The following TEAD1 variants were observed in gnomAD, a reference collection of about 807,000 sequenced individuals.
TEAD1 encodes the protein transcriptional enhancer factor TEF-1.
In TEAD1, 9 loss-of-function variants were observed where a neutral mutation model predicts 54.9. That is an observed-to-expected ratio of 0.16 (90% CI 0.10 to 0.29). The LOEUF (loss-of-function observed/expected upper bound fraction) is 0.29. Among genes scored for constraint, TEAD1 ranks in the 10% least tolerant of loss-of-function variants. The pLI, the probability that TEAD1 is intolerant of heterozygous loss-of-function variation, is 1.00. For missense variants in TEAD1, 387 were observed against 535.9 expected (o/e 0.72, Z 2.74); for synonymous variants, 200 against 187.8 (o/e 1.07, Z -0.53).
At chr11:12,838,599 T>C (rs1412069041) in intron 3 of TEAD1, among the ~76,000 whole-genome samples, 1 of 152,186 alleles carries the variant, frequency 6.6e-6, no homozygotes, top group African/African-American at 2.4e-5. Flanking sequence ...AAAAGTTTAT[T>C]ATAGATTGGT....
At chr11:12,880,082 A>G (rs1947936071) in intron 6 of TEAD1, among the ~76,000 whole-genome samples, 1 of 152,156 alleles carries the variant, frequency 6.6e-6, no homozygotes, top group Non-Finnish European at 1.5e-5. Flanking sequence ...AGAAAAAAGG[A>G]AAAGGAAGAG....
At chr11:12,698,644 C>G (rs575193743) in intron 2 of TEAD1, among the ~76,000 whole-genome samples, 2 of 152,002 alleles carry the variant, frequency 1.3e-5, no homozygotes, top group African/African-American at 2.4e-5. Flanking sequence ...CCATTTGATT[C>G]TAGCCCCGTG....
At chr11:12,750,566 G>GACAC (rs1020039390) in intron 2 of TEAD1, among the ~76,000 whole-genome samples, 1 of 151,602 alleles carries the variant, frequency 6.6e-6, no homozygotes, top group African/African-American at 2.4e-5. Flanking sequence ...CAGACAGACA[G>GACAC]ACACACACAC....
At chr11:12,805,805 A>AGAATT (rs1228626168) in intron 3 of TEAD1, among the ~76,000 whole-genome samples, 1 of 152,230 alleles carries the variant, frequency 6.6e-6, no homozygotes, top group African/African-American at 2.4e-5. Context: ...TACCTTCCAA[A>AGAATT]GAATTGATCT....
At chr11:12,817,253 A>G (rs753675005) in intron 3 of TEAD1, among the ~76,000 whole-genome samples, 2 of 152,206 alleles carry the variant, frequency 1.3e-5, no homozygotes, top group Non-Finnish European at 2.9e-5. Flanking sequence ...CGTAGCTTGA[A>G]ATAATTCTTC....
chr11:12,866,912 G>A (rs1947630023), intron 5 of TEAD1, among the ~76,000 whole-genome samples: 1 of 152,204 alleles, frequency 6.6e-6, no homozygotes, highest in Non-Finnish European at 1.5e-5. Context: ...GGAGCACTTT[G>A]GGTAATAGCG....
At chr11:12,922,617 A>C (rs1254692085) in intron 10 of TEAD1, 2 of 152,158 alleles carry the variant, frequency 1.3e-5, no homozygotes, top group Admixed American at 1.3e-4. Flanking sequence ...TCAAGGTATA[A>C]AAATTAGCCA....
chr11:12,675,160 C>A (rs960091064), intron 1 of TEAD1, among the ~76,000 whole-genome samples: 2 of 150,384 alleles, frequency 1.3e-5, no homozygotes, highest in Admixed American at 6.6e-5. Flanking sequence ...CGCGCACACA[C>A]GCACACACCC....
At chr11:12,868,480 T>G (rs1056682068) in intron 5 of TEAD1, among the ~76,000 whole-genome samples, 3 of 152,090 alleles carry the variant, frequency 2.0e-5, no homozygotes, top group Admixed American at 1.3e-4. Context: ...CAGGAGAGAG[T>G]GGTCATTTGA....
chr11:12,780,845 A>G (rs1007361079), intron 3 of TEAD1, among the ~76,000 whole-genome samples: 1 of 152,208 alleles, frequency 6.6e-6, no homozygotes, highest in Non-Finnish European at 1.5e-5. Flanking sequence ...TTCTTTGACA[A>G]GTTGATTCTA....
chr11:12,719,523 A>G (rs904643207), intron 2 of TEAD1, among the ~76,000 whole-genome samples: 1 of 120,690 alleles, frequency 8.3e-6, no homozygotes, highest in South Asian at 2.7e-4. Flanking sequence ...ACTCCAGATG[A>G]CTTTCCAGCA....
chr11:12,739,422 C>G (rs956265795), intron 2 of TEAD1, among the ~76,000 whole-genome samples: 2 of 152,148 alleles, frequency 1.3e-5, no homozygotes, highest in Non-Finnish European at 2.9e-5. Context: ...CTGAAAATGT[C>G]TATTAAACAA....
At position 12,800,030 on chromosome 11, in the gene TEAD1, A is replaced by T. The variant is rs116641444; in HGVS notation, c.202+35596A>T. On this transcript the variant is annotated intron_variant, in intron 3 of 12. Coordinates refer to ENST00000527636, the MANE Select transcript of TEAD1 (RefSeq NM_021961.6). ...CTTGATATTTTTGGAGTCCAGGGGAATAAGTGCATAATGGTAATAATTAAA... is the reference window on the plus strand; with the variant it reads ...CTTGATATTTTTGGAGTCCAGGGGATTAAGTGCATAATGGTAATAATTAAA... Among the ~76,000 whole-genome samples, 1,305 of 152,294 alleles carry T rather than the reference A, an allele frequency of 8.6e-3. 22 individuals carry two copies. The highest frequency in any genetic ancestry group is 0.03 in the African/African-American group (1,236 of 41,566).
At position 12,813,952 on chromosome 11, in the gene TEAD1, A is replaced by C. The variant is rs1866708; in HGVS notation, c.203-48298A>C. Among the ~76,000 whole-genome samples the C allele has an allele frequency of 5.8e-4, 88 of 152,282 alleles. 1 individual carries two copies. Among genetic ancestry groups the C allele is most frequent in the African/African-American group, 1.9e-3 (81 of 41,564 alleles). On this transcript the variant is annotated intron_variant, in intron 3 of 12. Coordinates refer to ENST00000527636, the MANE Select transcript of TEAD1 (RefSeq NM_021961.6). ...TCTTGGACATGGTTGGGAGGTGCTG[A>C]CCACAAGTCCGAGGCCCTGAAAAGA...
intron 5 of TEAD1, among the ~76,000 whole-genome samples, chr11:12,870,550 A>G (rs1352756468): frequency 6.6e-6 from 1 of 150,760 alleles, no homozygotes; most frequent in African/African-American, 2.5e-5. Flanking sequence ...AGTTGTGGGG[A>G]TTTTCTCCCC....
chr11:12,695,035 A>G (rs1943550946), intron 2 of TEAD1, among the ~76,000 whole-genome samples: 3 of 152,254 alleles, frequency 2.0e-5, no homozygotes. Context: ...AAAGAATAAA[A>G]TAAAAGCAAA....
chr11:12,834,610 T>A (rs1299453339), intron 3 of TEAD1, among the ~76,000 whole-genome samples: 2 of 142,184 alleles, frequency 1.4e-5, no homozygotes, highest in Non-Finnish European at 2.9e-5. Flanking sequence ...ATTAAAGATA[T>A]TTTTTGTTTG....
At chr11:12,780,608 C>A (rs947467115) in intron 3 of TEAD1, among the ~76,000 whole-genome samples, 1 of 152,002 alleles carries the variant, frequency 6.6e-6, no homozygotes, top group African/African-American at 2.4e-5. Flanking sequence ...TTTTATTCAT[C>A]ATAGTGTGAA....
intron 3 of TEAD1, among the ~76,000 whole-genome samples, chr11:12,766,788 A>G (rs180708675): frequency 9.9e-4 from 151 of 152,342 alleles, no homozygotes; most frequent in Non-Finnish European, 1.6e-3. Flanking sequence ...CTTTTGAGCA[A>G]GCAGCATTAG....
Sources: allele counts gnomAD v4.1 joint callset (sites outside exome capture counted in the v4.1 genomes callset), GRCh38; gene constraint gnomAD v4.1.1; transcripts MANE v1.5; gene names NCBI Gene and HGNC (gene_info 2026-07-23, HGNC 2026-07-21).